DDX31: variants seen among roughly 807,000 people sequenced by gnomAD.
DDX31 encodes the protein ATP-dependent DNA helicase DDX31.
Under a neutral mutation model 91.3 loss-of-function variants are expected in DDX31, and 70 were observed. The ratio of observed to expected loss-of-function variants is 0.77; its 90% confidence interval spans 0.63 to 0.94. The LOEUF (loss-of-function observed/expected upper bound fraction) is 0.94. DDX31 is among the 40% of genes least tolerant of loss of function. DDX31 has a pLI of 0.00. For synonymous variants in DDX31, 362 were observed against 350.6 expected (o/e 1.03, Z -0.36); for missense variants, 902 against 925.0 (o/e 0.98, Z 0.32).
chr9:132,627,579 C>T (rs1331178555), intron 16 of DDX31, among the ~76,000 whole-genome samples: 1 of 152,106 alleles, frequency 6.6e-6, no homozygotes, highest in Non-Finnish European at 1.5e-5. Context: ...TTTAATAAAC[C>T]AATGATGATT....
chr9:132,612,229 C>T lies in DDX31; in HGVS notation c.1852G>A (p.Ala618Thr), dbSNP rs758353390. The change falls in exon 19 of 20, where the codon GCC becomes ACC. Residue 618 changes from alanine to threonine, a missense_variant. Ala to Thr is a moderately conservative substitution (Grantham distance 58). Coordinates refer to ENST00000372159, the MANE Select transcript of DDX31 (RefSeq NM_022779.9). The part of the protein sequence containing the change: ...KALQSFIQAY[A>T]TYPRELKHIF... ...TGCTTCAGCTCCCTGGGGTAGGTGG[C>T]GTAGGCTTGGATGAAGGACTGCAGA... 1.2e-5 allele frequency: 19 copies of T among 1,613,962 alleles called. No individual in the cohort carries two copies. The South Asian group carries it at 1.6e-4, about 14-fold the overall frequency.
At chr9:132,628,136 C>A (rs117844915) in intron 16 of DDX31, among the ~76,000 whole-genome samples, 7 of 152,238 alleles carry the variant, frequency 4.6e-5, no homozygotes, top group Non-Finnish European at 8.8e-5. Flanking sequence ...ATGACTGCAA[C>A]GTAATAACCC....
intron 4 of DDX31, 28 bp downstream of exon 4, chr9:132,661,180 G>A: frequency 6.2e-7 from 1 of 1,602,046 alleles, no homozygotes; most frequent in Non-Finnish European, 8.5e-7. Context: ...TAATGCCTAA[G>A]AAATCAAGAG....
intron 19 of DDX31, among the ~76,000 whole-genome samples, chr9:132,606,184 A>G (rs1831010807): frequency 1.3e-5 from 2 of 152,202 alleles, no homozygotes; most frequent in Admixed American, 1.3e-4. Context: ...TGTTTGGCCA[A>G]TCTGTCTTTT....
intron 18 of DDX31, among the ~76,000 whole-genome samples, chr9:132,617,185 C>G (rs4962198): frequency 0.53 from 79,872 of 151,920 alleles, 22,987 homozygotes; most frequent in African/African-American, 0.76. Flanking sequence ...TCCCACTGCC[C>G]AGAATGCCCT....
chr9:132,618,097 T>C (rs763398703), intron 18 of DDX31, among the ~76,000 whole-genome samples: 2 of 152,236 alleles, frequency 1.3e-5, no homozygotes, highest in Non-Finnish European at 2.9e-5. Flanking sequence ...TAAGCCAAGA[T>C]AAAGCCTCAT....
chr9:132,662,765 G>A (rs1835060899), intron 1 of DDX31, 70 bp from the exon 2 acceptor site: 2 of 1,588,952 alleles, frequency 1.3e-6, no homozygotes, highest in South Asian at 1.1e-5. Flanking sequence ...TCGGAGTGAA[G>A]CCTGACTGCC....
At chr9:132,658,269 C>T (rs1404893413) in intron 6 of DDX31, 2 of 703,004 alleles carry the variant, frequency 2.8e-6, no homozygotes, top group Non-Finnish European at 5.2e-6. Flanking sequence ...AGGTAGAAAT[C>T]CAGTTCCTCC....
chr9:132,597,536 A>G (rs571408022), intron 19 of DDX31, among the ~76,000 whole-genome samples: 3 of 152,374 alleles, frequency 2.0e-5, no homozygotes, highest in African/African-American at 7.2e-5. Context: ...GCTCCCCAGC[A>G]TAAGCTCCAG....
intron 17 of DDX31, among the ~76,000 whole-genome samples, chr9:132,620,256 C>T (rs1044327451): frequency 6.6e-5 from 10 of 151,874 alleles, no homozygotes; most frequent in African/African-American, 1.9e-4. Flanking sequence ...CAGCCTGGTG[C>T]GAATTCCAGG....
At chr9:132,625,805 T>A in intron 16 of DDX31, 60 bp from the exon 17 acceptor site, 1 of 1,342,314 alleles carries the variant, frequency 7.4e-7, no homozygotes, top group Non-Finnish European at 1.1e-6. Context: ...CCCAAGACCT[T>A]GATGCACAAA....
intron 14 of DDX31, among the ~76,000 whole-genome samples, chr9:132,637,486 A>G (rs1833189986): frequency 6.6e-6 from 1 of 152,168 alleles, no homozygotes; most frequent in African/African-American, 2.4e-5. Flanking sequence ...TGACTCATTT[A>G]TTTACCCAAG....
At chr9:132,663,107 G>T (rs1835086334) in intron 1 of DDX31, 4 of 1,165,598 alleles carry the variant, frequency 3.4e-6, no homozygotes, top group Non-Finnish European at 4.6e-6. Context: ...AGAGGGGTGG[G>T]GGAAAACGAA....
chr9:132,611,212 A>G (rs1015430994), intron 19 of DDX31, among the ~76,000 whole-genome samples: 1 of 152,190 alleles, frequency 6.6e-6, no homozygotes, highest in African/African-American at 2.4e-5. Context: ...CAAACTAACC[A>G]TCCACAACGT....
intron 17 of DDX31, among the ~76,000 whole-genome samples, chr9:132,625,281 T>C (rs1832326218): frequency 2.6e-5 from 4 of 152,164 alleles, no homozygotes. Context: ...CAGAGATACT[T>C]ATTTCTTCCA....
intron 14 of DDX31, among the ~76,000 whole-genome samples, chr9:132,638,672 C>T (rs932627256): frequency 1.3e-5 from 2 of 152,224 alleles, no homozygotes; most frequent in African/African-American, 4.8e-5. Flanking sequence ...CACAAAGCCA[C>T]ATTATCAGGA....
rs2119148081 is a variant in DDX31 at position 132,593,485 on chromosome 9, TTTAA to T, written c.*1377_*1380del. Reference sequence around the variant, plus strand: ...GACATGTGCTGCAGGGTTGTTGTTTTTTAATTATTATTGTTAGAAACGTCACCCA... The same window carrying T: ...GACATGTGCTGCAGGGTTGTTGTTTTTTATTATTGTTAGAAACGTCACCCA... On this transcript the variant is annotated 3_prime_UTR_variant, in exon 20 of 20. Coordinates refer to ENST00000372159, the MANE Select transcript of DDX31 (RefSeq NM_022779.9). 6.6e-6 allele frequency: 1 copy of T among 152,336 alleles called. No homozygotes were observed. The highest frequency in any genetic ancestry group is 2.1e-4 in the South Asian group (1 of 4,826). The allele number at this position is 152,336 out of a possible 1,614,324, so 9.4% of individuals were successfully genotyped here.
At chr9:132,629,736 C>T (rs1832610139) in intron 16 of DDX31, among the ~76,000 whole-genome samples, 1 of 152,176 alleles carries the variant, frequency 6.6e-6, no homozygotes, top group South Asian at 2.1e-4. Flanking sequence ...CAGGGCTTTA[C>T]GCAGAGGTAT....
At chr9:132,654,902 C>T (rs934377821) in intron 6 of DDX31, among the ~76,000 whole-genome samples, 1 of 146,508 alleles carries the variant, frequency 6.8e-6, no homozygotes, top group Admixed American at 6.9e-5. Context: ...GCCGAGATTA[C>T]GCCACTCCAC....
Sources: gnomAD v4.1 joint callset for allele counts (sites outside exome capture counted in the v4.1 genomes callset) on GRCh38, gnomAD v4.1.1 for gene constraint, MANE v1.5 for transcripts, NCBI Gene and HGNC (gene_info 2026-07-23, HGNC 2026-07-21) for gene names.